RPL19: variants seen among roughly 807,000 people sequenced by gnomAD.
RPL19 encodes the protein ribosomal protein L19, also known as large ribosomal subunit protein eL19.
A neutral mutation model predicts 25.1 loss-of-function variants in RPL19; 2 were observed. The observed-to-expected ratio is 0.08, with a 90% CI of 0.03 to 0.25. The LOEUF (loss-of-function observed/expected upper bound fraction) is 0.25, where lower values mean the gene tolerates loss of function less well. RPL19 is among the 10% of genes least tolerant of loss of function. The pLI, the probability that RPL19 is intolerant of heterozygous loss-of-function variation, is 1.00. For synonymous variants in RPL19, 89 were observed against 91.2 expected, an observed-to-expected ratio of 0.98 and a Z score of 0.14; for missense variants, 123 against 271.8, an observed-to-expected ratio of 0.45 and a Z score of 3.85.
chr17:39,204,721 A>G lies in RPL19; in HGVS notation c.*73A>G. On this transcript the variant is annotated 3_prime_UTR_variant, in exon 6 of 6. Transcript: ENST00000225430. ...CAGCCATTAAAATAAAACAAGCCTT[A>G]ATCTGCCTTCCTCTCTGCTTCTTGC... 6.8e-7 allele frequency: 1 copy of G among 1,473,898 alleles called. No homozygotes were observed. Among genetic ancestry groups the G allele is most frequent in the East Asian group, 2.3e-5 (1 of 43,220 alleles). 91.3% of individuals were successfully genotyped at this position (1,473,898 alleles called of 1,614,324 possible). A position where few individuals can be genotyped will look rare whatever the true frequency, so the allele number is the denominator to read the frequency against.
chr17:39,201,009 C>T (rs1179401409), intron 1 of RPL19: 9 of 519,050 alleles, frequency 1.7e-5, no homozygotes, highest in South Asian at 1.7e-4. Flanking sequence ...GAACATGAGG[C>T]TCCGAGAGGT....
At chr17:39,201,046 T>A in intron 1 of RPL19, 167 bp from the exon 2 acceptor site, 1 of 579,256 alleles carries the variant, frequency 1.7e-6, no homozygotes, top group Non-Finnish European at 3.0e-6. Flanking sequence ...TTTTGAAGTC[T>A]TAAACCCAAG....
At chr17:39,202,834 G>T in intron 3 of RPL19, 155 bp from the exon 4 acceptor site, 1 of 787,392 alleles carries the variant, frequency 1.3e-6, no homozygotes, top group Non-Finnish European at 2.0e-6. Flanking sequence ...TTACGTAGTT[G>T]GGATCATCAT....
chr17:39,200,514 T>G (rs1403807196), intron 1 of RPL19, 165 bp downstream of exon 1: 18 of 1,257,770 alleles, frequency 1.4e-5, no homozygotes, highest in South Asian at 1.0e-4. Context: ...GCCTCCGGAG[T>G]GAGGGGGGGC....
chr17:39,200,352 G>A lies in RPL19; in HGVS notation c.5+3G>A, dbSNP rs2046276873. On this transcript the variant is annotated splice_donor_region_variant and intron_variant, in intron 1 of 5. Coordinates refer to ENST00000225430, the MANE Select transcript of RPL19 (RefSeq NM_000981.4). ...GCTGCTGCGGCCGCAGCCATGAGGT[G>A]AGGGCGAGCTGGTCTCCATCAGGCG... 6 of 1,568,520 alleles carry A rather than the reference G, an allele frequency of 3.8e-6. No homozygotes were observed. The highest frequency in any genetic ancestry group is 4.7e-5 in the East Asian group (2 of 42,378).
At chr17:39,200,672 G>T (rs1414904741) in intron 1 of RPL19, 2 of 1,128,200 alleles carry the variant, frequency 1.8e-6, no homozygotes, top group Non-Finnish European at 2.2e-6. Flanking sequence ...ACCCGGAGCG[G>T]AGCCGATCTC....
In RPL19 at chr17:39,201,238, G is replaced by A; in HGVS notation, c.31G>A (p.Ala11Thr). The A allele has an allele frequency of 1.2e-6, 2 of 1,612,758 alleles. No individual in the cohort carries two copies. The highest frequency in any genetic ancestry group is 1.1e-5 in the South Asian group (1 of 90,970). MSMLRLQKRLASSVLRCGKKK... is the reference protein window; with the variant it reads MSMLRLQKRLTSSVLRCGKKK... Reference sequence around the variant, plus strand: ...TATGCTCAGGCTTCAGAAGAGGCTCGCCTCTAGTGTCCTCCGCTGTGGCAA... The same window carrying A: ...TATGCTCAGGCTTCAGAAGAGGCTCACCTCTAGTGTCCTCCGCTGTGGCAA... Residue 11 changes from alanine (A) to threonine (T), a missense_variant, in exon 2 of 6, where the codon GCC becomes ACC. Physicochemically the swap from Ala to Thr is moderately conservative, Grantham distance 58 (BLOSUM62 0). Transcript: ENST00000225430.
At chr17:39,200,732 C>T in intron 1 of RPL19, 1 of 1,061,088 alleles carries the variant, frequency 9.4e-7, no homozygotes, top group East Asian at 7.1e-5. Context: ...AGGCCTCCGA[C>T]TGCCGAGAGA....
intron 4 of RPL19, among the ~76,000 whole-genome samples, chr17:39,203,502 C>G (rs962448993): frequency 1.9e-4 from 28 of 145,708 alleles, no homozygotes; most frequent in Non-Finnish European, 9.0e-5. Flanking sequence ...GTCTTACTGG[C>G]CTTGGGTAGG....
At position 39,203,126 on chromosome 17, in the gene RPL19, G is replaced by A; in HGVS notation, c.356+17G>A. ...TCGCCACATGTAAGCACACCCTCTT[G>A]GGCCCAGTACCCATTTGCTGCTTTG... On this transcript the variant is annotated intron_variant, in intron 4 of 5. Transcript: ENST00000225430. 6.2e-7 allele frequency: 1 copy of A among 1,607,206 alleles called. No homozygotes were observed. The highest frequency in any genetic ancestry group is 8.5e-7 in the Non-Finnish European group (1 of 1,176,334).
intron 2 of RPL19, 105 bp downstream of exon 2, chr17:39,201,424 C>A: frequency 1.4e-6 from 1 of 690,826 alleles, no homozygotes; most frequent in South Asian, 1.8e-5. Flanking sequence ...TTTAGACAGT[C>A]TTGCTCTGTT....
chr17:39,201,410 T>G, intron 2 of RPL19, 91 bp downstream of exon 2: 1 of 830,700 alleles, frequency 1.2e-6, no homozygotes, highest in South Asian at 1.6e-5. Context: ...CTTTTTTTTT[T>G]TTTTTTAGAC....
chr17:39,200,389 C>T (rs1237226991), intron 1 of RPL19, 40 bp downstream of exon 1: 10 of 1,536,796 alleles, frequency 6.5e-6, no homozygotes, highest in African/African-American at 2.8e-5. Context: ...TGACGCGTGT[C>T]GACAAGGGAC....
At chr17:39,202,575 T>A in intron 3 of RPL19, 136 bp downstream of exon 3, 1 of 1,145,866 alleles carries the variant, frequency 8.7e-7, no homozygotes, top group Non-Finnish European at 1.2e-6. Flanking sequence ...TCTGCCTGTG[T>A]GCAAATCAGA....
intron 4 of RPL19, 111 bp downstream of exon 4, chr17:39,203,220 C>G: frequency 1.7e-6 from 2 of 1,185,360 alleles, no homozygotes; most frequent in Non-Finnish European, 2.3e-6. Context: ...CTTGCTCTGT[C>G]ACCCAGGCTG....
At chr17:39,201,737 A>T (rs888591027) in intron 2 of RPL19, among the ~76,000 whole-genome samples, 1 of 151,908 alleles carries the variant, frequency 6.6e-6, no homozygotes, top group Non-Finnish European at 1.5e-5. Context: ...ACACCCAGCT[A>T]ATTTTTGTAT....
chr17:39,204,391 G>A (rs904833761), intron 5 of RPL19, 134 bp from the exon 6 acceptor site: 16 of 1,136,780 alleles, frequency 1.4e-5, no homozygotes, highest in Non-Finnish European at 2.1e-5. Flanking sequence ...AGTTGAAGCA[G>A]GAGCCTTTGG....
At chr17:39,204,268 C>T (rs1338804517) in intron 5 of RPL19, 81 bp downstream of exon 5, 4 of 970,882 alleles carry the variant, frequency 4.1e-6, no homozygotes, top group East Asian at 2.5e-5. Flanking sequence ...GTGCCAATGC[C>T]TAAGTCTTGA....
chr17:39,203,141 T>C (rs1464949378), intron 4 of RPL19, 32 bp downstream of exon 4: 3 of 1,596,082 alleles, frequency 1.9e-6, no homozygotes, highest in Non-Finnish European at 2.6e-6. Flanking sequence ...CAGTACCCAT[T>C]TGCTGCTTTG....
Sources: gnomAD v4.1 joint callset for allele counts (sites outside exome capture counted in the v4.1 genomes callset) on GRCh38, gnomAD v4.1.1 for gene constraint, MANE v1.5 for transcripts, NCBI Gene and HGNC (gene_info 2026-07-23, HGNC 2026-07-21) for gene names.